Variants in NPAS3 observed in about 807,000 individuals in gnomAD.
NPAS3 encodes the protein neuronal PAS domain protein 3.
In NPAS3, 14 loss-of-function variants were observed where a neutral mutation model predicts 73.1. The ratio of observed to expected loss-of-function variants is 0.19; its 90% CI spans 0.13 to 0.30. The LOEUF is 0.30. Ranked by LOEUF, NPAS3 falls within the 10% of genes least tolerant of loss-of-function variation. The pLI, the probability that NPAS3 is intolerant of heterozygous loss-of-function variation, is 1.00. For synonymous variants in NPAS3, 620 were observed against 541.5 expected (o/e 1.14, Z -2.01); for missense variants, 1,096 against 1,250.0 (o/e 0.88, Z 1.86).
intron 4 of NPAS3, among the ~76,000 whole-genome samples, chr14:33,535,925 A>G (rs1566980778): frequency 2.0e-5 from 3 of 152,144 alleles, no homozygotes; most frequent in Admixed American, 6.5e-5. Context: ...TCCCTCTGTG[A>G]CTGAGAGTGC....
At chr14:33,517,746 C>A (rs568576175) in intron 4 of NPAS3, among the ~76,000 whole-genome samples, 1 of 152,220 alleles carries the variant, frequency 6.6e-6, no homozygotes, top group African/African-American at 2.4e-5. Flanking sequence ...ATCACCGTTA[C>A]ATACTTACAT....
intron 3 of NPAS3, among the ~76,000 whole-genome samples, chr14:33,277,704 G>A (rs1390108312): frequency 1.3e-5 from 2 of 152,250 alleles, no homozygotes; most frequent in Admixed American, 1.3e-4. Context: ...CCTCATGGGA[G>A]TAGGCTTGAT....
At chr14:33,565,075 G>C (rs894456295) in intron 5 of NPAS3, among the ~76,000 whole-genome samples, 1 of 152,168 alleles carries the variant, frequency 6.6e-6, no homozygotes, top group Non-Finnish European at 1.5e-5. Context: ...TTACAAATTG[G>C]CTTGATTCAA....
intron 1 of NPAS3, among the ~76,000 whole-genome samples, chr14:33,046,805 G>A (rs577562685): frequency 2.2e-3 from 335 of 152,146 alleles, no homozygotes; most frequent in African/African-American, 7.7e-3. Flanking sequence ...GTGAAACCCC[G>A]TCTCTACTAA....
rs535695361 is a variant in NPAS3, at chr14:33,245,536, C to A, written c.385+30110C>A. Among the ~76,000 whole-genome samples, 10 of 152,168 alleles carry A rather than the reference C, an allele frequency of 6.6e-5. 1 individual carries two copies. The South Asian group carries it at 2.1e-3, about 32-fold the overall frequency. ...AAGATATTAGATTCCTTTAAAGTAG[C>A]CTATTAAAAAGTAGGTTATTTTTAA... On this transcript the variant is annotated intron_variant, in intron 3 of 11. Coordinates refer to ENST00000356141, the Ensembl canonical transcript of NPAS3.
At chr14:33,699,405 C>G (rs2060470362) in intron 6 of NPAS3, among the ~76,000 whole-genome samples, 1 of 152,150 alleles carries the variant, frequency 6.6e-6, no homozygotes, top group South Asian at 2.1e-4. Flanking sequence ...AACCGAAGCG[C>G]ACTCTCTGAG....
rs78683287 is a variant in NPAS3, at chr14:33,566,234, G to A, written c.558+6024G>A. On this transcript the variant is annotated intron_variant, in intron 5 of 11. Transcript: ENST00000356141. ...GTGAAGAAATTGATTTTTCCCCCCC[G>A]AAAATGACTGCATGATGCATCATTT... Among the ~76,000 whole-genome samples, 7 of 142,568 alleles carry A rather than the reference G, an allele frequency of 4.9e-5. No individual in the cohort carries two copies. In the South Asian group the frequency reaches 9.6e-4, roughly 19 times the overall value. The allele number at this position is 142,568 out of a possible 152,430, so 93.5% of individuals were successfully genotyped here.
rs1171514273 is a variant in NPAS3 at position 33,800,293 on chromosome 14, C to A, written c.1986C>A (p.Ser662Arg). ...AACCCATCAATTTCGACAATGACAG[C>A]AGCATCTGGAACTACCCGCCCAACC... Residue 662 changes from serine (S) to arginine (R), a missense_variant, in exon 12 of 12, where the codon AGC becomes AGA. Ser to Arg is a moderately radical substitution (Grantham distance 110, BLOSUM62 -1). Coordinates refer to ENST00000356141, the Ensembl canonical transcript of NPAS3. This position sits in a 1 kb window ranked among gnomAD's most constrained non-coding sequence, Gnocchi z 6.5. The A allele has an allele frequency of 6.2e-7, 1 of 1,613,476 alleles. No homozygotes were observed. Among genetic ancestry groups the A allele is most frequent in the Non-Finnish European group, 8.5e-7 (1 of 1,179,662 alleles).
chr14:33,095,377 T>C (rs1446588049), intron 2 of NPAS3, among the ~76,000 whole-genome samples: 1 of 152,178 alleles, frequency 6.6e-6, no homozygotes, highest in Non-Finnish European at 1.5e-5. Context: ...AAAGTTTGTA[T>C]GATGCATGTT....
chr14:33,630,111 A>G (rs1468041318), intron 5 of NPAS3, among the ~76,000 whole-genome samples: 1 of 151,982 alleles, frequency 6.6e-6, no homozygotes, highest in East Asian at 1.9e-4. Context: ...GTTCCTATTT[A>G]CTTTGTCTCC....
chr14:33,567,694 G>GT (rs1567012670), intron 5 of NPAS3, among the ~76,000 whole-genome samples: 1 of 152,204 alleles, frequency 6.6e-6, no homozygotes, highest in Non-Finnish European at 1.5e-5. Context: ...AATGCACTGC[G>GT]TGGGGATGTT....
At chr14:33,020,907 C>G (rs1477986780) in intron 1 of NPAS3, among the ~76,000 whole-genome samples, 1 of 151,978 alleles carries the variant, frequency 6.6e-6, no homozygotes. Flanking sequence ...ATTACAGGTG[C>G]GTGCCACCAC....
At chr14:33,643,383 A>T (rs1158732218) in intron 5 of NPAS3, among the ~76,000 whole-genome samples, 17 of 146,394 alleles carry the variant, frequency 1.2e-4, no homozygotes, top group African/African-American at 4.0e-4. Context: ...ATTAAAAAAA[A>T]AAAAAAAAAA....
At chr14:33,159,958 C>T (rs2044799422) in intron 2 of NPAS3, among the ~76,000 whole-genome samples, 1 of 152,118 alleles carries the variant, frequency 6.6e-6, no homozygotes, top group Admixed American at 6.5e-5. Context: ...CTGCAAGAGA[C>T]AAGTTTTTCT....
chr14:33,587,842 C>T (rs2056919092), intron 5 of NPAS3, among the ~76,000 whole-genome samples: 1 of 152,214 alleles, frequency 6.6e-6, no homozygotes, highest in South Asian at 2.1e-4. Flanking sequence ...CCCACAGCTT[C>T]AACAGCTATG....
chr14:33,215,477 G>C, intron 3 of NPAS3, 51 bp downstream of exon 3: 2 of 1,593,742 alleles, frequency 1.3e-6, no homozygotes, highest in Non-Finnish European at 1.7e-6. Flanking sequence ...GTAGGGGTCT[G>C]TAAGACAAAA....
At chr14:33,343,295 C>T (rs1199183083) in intron 3 of NPAS3, among the ~76,000 whole-genome samples, 1 of 152,040 alleles carries the variant, frequency 6.6e-6, no homozygotes, top group African/African-American at 2.4e-5. Context: ...CTCCTGCTTT[C>T]TTTTTTTCTC....
chr14:33,756,405 T>C (rs914381441), intron 7 of NPAS3, among the ~76,000 whole-genome samples: 8 of 152,126 alleles, frequency 5.3e-5, no homozygotes, highest in Non-Finnish European at 1.0e-4. Flanking sequence ...AAGGGAATCT[T>C]ATATTGAAAG....
intron 2 of NPAS3, among the ~76,000 whole-genome samples, chr14:33,132,923 C>A (rs1296540796): frequency 6.6e-6 from 1 of 152,104 alleles, no homozygotes; most frequent in East Asian, 1.9e-4. Context: ...GGGTATTTTG[C>A]ACATAAGAAA....
Sources: allele counts gnomAD v4.1 joint callset (sites outside exome capture counted in the v4.1 genomes callset), GRCh38; gene constraint gnomAD v4.1.1; non-coding constraint Gnocchi (gnomAD v3.1); transcripts MANE v1.5; gene names NCBI Gene and HGNC (gene_info 2026-07-23, HGNC 2026-07-21).